Variants in PCDHGB1 observed in about 807,000 individuals in gnomAD.
The protein encoded by PCDHGB1 is protocadherin gamma subfamily B, 1, also known as protocadherin gamma-B1.
Under a neutral mutation model 56.6 loss-of-function variants are expected in PCDHGB1, and 34 were observed. That is an observed-to-expected ratio of 0.60 (90% CI 0.46 to 0.80). The LOEUF (loss-of-function observed/expected upper bound fraction) is 0.80. Ranked by LOEUF, PCDHGB1 falls within the 30% of genes least tolerant of loss-of-function variation. The pLI is 0.00. For synonymous variants in PCDHGB1, 561 were observed against 505.9 expected (o/e 1.11, Z -1.46); for missense variants, 1,278 against 1,204.6 (o/e 1.06, Z -0.90).
intron 1 of PCDHGB1, chr5:141,426,943 C>T: frequency 2.2e-6 from 1 of 456,736 alleles, no homozygotes; most frequent in Non-Finnish European, 4.4e-6. Flanking sequence ...GACCCAGTCC[C>T]AACTGGCACT....
Position 141,359,555 on chromosome 5 carries a change from C to G in PCDHGB1, c.2409+6886C>G, listed in dbSNP as rs1761251124. 2.0e-5 allele frequency among the ~76,000 whole-genome samples: 3 copies of G among 151,148 alleles called. No individual in the cohort carries two copies. The South Asian group carries it at 6.3e-4, about 32-fold the overall frequency. ...TATAAGAAATAAATAGGAAAGCTCT[C>G]TATGTACTGATATGATCTTTAAGAT... On this transcript the variant is annotated intron_variant, in intron 1 of 3. Coordinates refer to ENST00000523390, the MANE Select transcript of PCDHGB1 (RefSeq NM_018922.3).
intron 1 of PCDHGB1, among the ~76,000 whole-genome samples, chr5:141,468,824 C>A (rs1288506117): frequency 6.6e-6 from 1 of 152,010 alleles, no homozygotes; most frequent in Non-Finnish European, 1.5e-5. Flanking sequence ...CAAGATCAAG[C>A]CACTGCACTC....
At chr5:141,404,451 C>G in intron 1 of PCDHGB1, 4 of 1,613,166 alleles carry the variant, frequency 2.5e-6, no homozygotes, top group Non-Finnish European at 3.4e-6. Flanking sequence ...CAAGGGTCTC[C>G]TCTCTCCACC....
chr5:141,405,191 C>T (rs573277021), intron 1 of PCDHGB1: 28 of 1,612,832 alleles, frequency 1.7e-5, no homozygotes, highest in South Asian at 1.6e-4. Context: ...AGATGGGGTT[C>T]GAGCTTTCCT....
intron 1 of PCDHGB1, chr5:141,433,291 T>C: frequency 9.1e-7 from 1 of 1,094,048 alleles, no homozygotes; most frequent in Non-Finnish European, 1.3e-6. Context: ...ACTCCTAGGC[T>C]CAAGCAATTA....
chr5:141,398,787 A>T, intron 1 of PCDHGB1: 1 of 1,613,902 alleles, frequency 6.2e-7, no homozygotes, highest in African/African-American at 1.3e-5. Flanking sequence ...GTGGACATCC[A>T]CCCCTAAGCG....
rs1051132518 is a variant in PCDHGB1, at chr5:141,351,784, G to A, written c.1524G>A (p.Gly508=). Residue 508 remains glycine (G), a synonymous_variant, in exon 1 of 4, where the codon GGG becomes GGA. Transcript: ENST00000523390. ...LSYVSVSPQS[G]VVFAQRAFDH... ...ACGTGTCCGTGAGCCCGCAGAGCGG[G>A]GTGGTGTTCGCGCAGCGCGCCTTCG... 1 of 1,613,452 alleles carries A rather than the reference G, an allele frequency of 6.2e-7. No homozygotes were observed. The highest frequency in any genetic ancestry group is 8.5e-7 in the Non-Finnish European group (1 of 1,179,906).
chr5:141,403,136 C>T, intron 1 of PCDHGB1: 1 of 1,614,006 alleles, frequency 6.2e-7, no homozygotes, highest in South Asian at 1.1e-5. Flanking sequence ...GCTGGCGGAG[C>T]GCCGAGTCCG....
At chr5:141,356,874 T>C in intron 1 of PCDHGB1, 1 of 1,614,196 alleles carries the variant, frequency 6.2e-7, no homozygotes, top group South Asian at 1.1e-5. Context: ...AGAACGACAA[T>C]GTCCCTGAGA....
chr5:141,374,230 C>T lies in PCDHGB1; in HGVS notation c.2409+21561C>T. On this transcript the variant is annotated intron_variant, in intron 1 of 3. Coordinates refer to ENST00000523390, the MANE Select transcript of PCDHGB1 (RefSeq NM_018922.3). ...AAGGCTCCTTCGTAGGCAACATCGTCAAGGATCTGGGACTGGAGCCCCAGG... is the reference window on the plus strand; with the variant it reads ...AAGGCTCCTTCGTAGGCAACATCGTTAAGGATCTGGGACTGGAGCCCCAGG... 2 of 1,613,996 alleles carry T rather than the reference C, an allele frequency of 1.2e-6. 1 individual carries two copies. Among genetic ancestry groups the T allele is most frequent in the East Asian group, 4.5e-5 (2 of 44,882 alleles).
At chr5:141,403,891 A>T (rs779525294) in intron 1 of PCDHGB1, 17 of 1,613,752 alleles carry the variant, frequency 1.1e-5, no homozygotes, top group Admixed American at 1.0e-4. Flanking sequence ...AAGAATGTTC[A>T]TTTTATGAAA....
At chr5:141,378,822 T>C (rs181427236) in intron 1 of PCDHGB1, 13 of 152,360 alleles carry the variant, frequency 8.5e-5, no homozygotes, top group Non-Finnish European at 1.6e-4. Flanking sequence ...CATTGTTTCA[T>C]GAACAGAAAA....
intron 1 of PCDHGB1, chr5:141,422,556 G>A: frequency 6.2e-7 from 1 of 1,613,908 alleles, no homozygotes; most frequent in Non-Finnish European, 8.5e-7. Flanking sequence ...GGCTGAATGT[G>A]GCAGATGACA....
At chr5:141,428,616 G>A (rs2097151212) in intron 1 of PCDHGB1, 1 of 207,844 alleles carries the variant, frequency 4.8e-6, no homozygotes, top group Admixed American at 5.3e-5. Flanking sequence ...AGAATAACAA[G>A]ATAAGCTCTA....
At chr5:141,475,329 A>G (rs1229101617) in intron 1 of PCDHGB1, among the ~76,000 whole-genome samples, 1 of 152,266 alleles carries the variant, frequency 6.6e-6, no homozygotes, top group Non-Finnish European at 1.5e-5. Context: ...AATGAGAGCT[A>G]ACAATGACAT....
intron 1 of PCDHGB1, chr5:141,399,986 G>A (rs1400468651): frequency 6.2e-7 from 1 of 1,612,408 alleles, no homozygotes; most frequent in East Asian, 2.2e-5. Context: ...CTGCGCACAG[G>A]AGAGGTGCGC....
intron 1 of PCDHGB1, among the ~76,000 whole-genome samples, chr5:141,438,564 T>A (rs1192918137): frequency 1.5e-5 from 2 of 137,114 alleles, no homozygotes; most frequent in Non-Finnish European, 3.1e-5. Flanking sequence ...AAGAGGCAGC[T>A]GTCTGATATA....
chr5:141,490,279 G>A lies in PCDHGB1; in HGVS notation c.2410-4528G>A, dbSNP rs1344083401. The A allele has an allele frequency of 5.6e-6, 9 of 1,614,228 alleles. No individual in the cohort carries two copies. In the East Asian group the frequency reaches 1.8e-4, roughly 32 times the overall value. On this transcript the variant is annotated intron_variant, in intron 1 of 3. Coordinates refer to ENST00000523390, the MANE Select transcript of PCDHGB1 (RefSeq NM_018922.3). This position sits in a 1 kb window ranked among gnomAD's most constrained non-coding sequence, Gnocchi z 5.4. ...GGATGTGGGGGATGTCAATGACAAT[G>A]CCCCAGAGGTGCTATTGGCCTCTTT...
At chr5:141,421,718 G>C (rs778263773) in intron 1 of PCDHGB1, 1 of 1,613,966 alleles carries the variant, frequency 6.2e-7, no homozygotes, top group Middle Eastern at 1.7e-4. Context: ...CCAGATGTGG[G>C]CGTGAACTCC....
Sources: gnomAD v4.1 joint callset for allele counts (sites outside exome capture counted in the v4.1 genomes callset) on GRCh38, gnomAD v4.1.1 for gene constraint, Gnocchi (gnomAD v3.1) non-coding constraint, MANE v1.5 for transcripts, NCBI Gene and HGNC (gene_info 2026-07-23, HGNC 2026-07-21) for gene names.